The following NELL1 variants were observed in gnomAD, a reference collection of about 807,000 sequenced individuals.
NELL1 encodes neural EGFL like 1.
In NELL1, 76 loss-of-function variants were observed where a neutral mutation model predicts 107.4. The ratio of observed to expected loss-of-function variants is 0.71; its 90% confidence interval spans 0.59 to 0.86. The LOEUF (loss-of-function observed/expected upper bound fraction) is 0.86. Among genes scored for constraint, NELL1 ranks in the 40% least tolerant of loss-of-function variants. The pLI is 0.00. For missense variants in NELL1, 1,024 were observed against 1,005.5 expected, an observed-to-expected ratio of 1.02 and a Z score of -0.25; for synonymous variants, 353 against 341.2, an observed-to-expected ratio of 1.03 and a Z score of -0.38.
At chr11:21,226,398 T>C (rs1857893909) in intron 13 of NELL1, among the ~76,000 whole-genome samples, 1 of 152,220 alleles carries the variant, frequency 6.6e-6, no homozygotes, top group Non-Finnish European at 1.5e-5. Context: ...TAGTGACATG[T>C]TTGTTCATCT....
At chr11:20,999,202 G>A (rs1015583602) in intron 12 of NELL1, among the ~76,000 whole-genome samples, 19 of 152,176 alleles carry the variant, frequency 1.2e-4, no homozygotes, top group Admixed American at 9.8e-4. Context: ...AATTCTGTAC[G>A]TAAAAGAGAT....
intron 15 of NELL1, among the ~76,000 whole-genome samples, chr11:21,414,007 G>A (rs1852441932): frequency 6.6e-6 from 1 of 152,010 alleles, no homozygotes. Context: ...TGCATTTAAT[G>A]ACAGGCTGGT....
At chr11:21,498,484 A>G (rs1244003400) in intron 15 of NELL1, among the ~76,000 whole-genome samples, 1 of 150,826 alleles carries the variant, frequency 6.6e-6, no homozygotes, top group Admixed American at 6.6e-5. Flanking sequence ...ATACATACAT[A>G]GTTCTGATAA....
intron 12 of NELL1, among the ~76,000 whole-genome samples, chr11:21,065,260 T>G (rs898548544): frequency 2.6e-5 from 4 of 152,118 alleles, no homozygotes; most frequent in African/African-American, 9.7e-5. Flanking sequence ...ACTAGCTTCA[T>G]AAAGGCAGGA....
At chr11:21,088,062 TGTG>T (rs578119729) in intron 12 of NELL1, among the ~76,000 whole-genome samples, 40 of 63,030 alleles carry the variant, frequency 6.3e-4, no homozygotes, top group African/African-American at 3.6e-3. Flanking sequence ...AGTAGCTCTG[TGTG>T]TGTGTGTGTG....
At chr11:21,293,592 A>G (rs965818825) in intron 14 of NELL1, among the ~76,000 whole-genome samples, 3 of 152,180 alleles carry the variant, frequency 2.0e-5, no homozygotes, top group Non-Finnish European at 2.9e-5. Context: ...TATATACTTA[A>G]AGGTTTGTAA....
intron 13 of NELL1, among the ~76,000 whole-genome samples, chr11:21,172,233 C>T (rs1341141141): frequency 6.6e-6 from 1 of 151,896 alleles, no homozygotes; most frequent in African/African-American, 2.4e-5. Context: ...TCTTTAGATT[C>T]TAACTACTAG....
At chr11:21,462,433 A>G (rs1853921398) in intron 15 of NELL1, among the ~76,000 whole-genome samples, 1 of 152,110 alleles carries the variant, frequency 6.6e-6, no homozygotes, top group Non-Finnish European at 1.5e-5. Flanking sequence ...TGGTTAAAAT[A>G]GATTGTTTTC....
intron 7 of NELL1, among the ~76,000 whole-genome samples, chr11:20,924,227 C>T (rs1423692509): frequency 6.6e-6 from 1 of 152,138 alleles, no homozygotes; most frequent in Non-Finnish European, 1.5e-5. Flanking sequence ...TTGTTTGTCT[C>T]CTTTATTGCC....
intron 4 of NELL1, among the ~76,000 whole-genome samples, chr11:20,881,071 G>A (rs1163956491): frequency 6.6e-6 from 1 of 152,180 alleles, no homozygotes; most frequent in Non-Finnish European, 1.5e-5. Context: ...GTGGGTTCCA[G>A]GAGAGCTGAC....
At chr11:20,724,768 A>G (rs563386910) in intron 2 of NELL1, among the ~76,000 whole-genome samples, 5 of 152,116 alleles carry the variant, frequency 3.3e-5, no homozygotes, top group African/African-American at 1.2e-4. Flanking sequence ...TCCCTTCCAC[A>G]TTTTCAGTTT....
intron 14 of NELL1, among the ~76,000 whole-genome samples, chr11:21,263,603 A>G (rs1320988965): frequency 2.6e-5 from 4 of 151,926 alleles, no homozygotes; most frequent in Admixed American, 6.6e-5. Flanking sequence ...AGGCTGGTGG[A>G]GAGGCAGTCA....
At chr11:20,990,596 A>G (rs1421991849) in intron 12 of NELL1, among the ~76,000 whole-genome samples, 5 of 152,192 alleles carry the variant, frequency 3.3e-5, no homozygotes, top group African/African-American at 1.2e-4. Flanking sequence ...CAGCTGAGGA[A>G]TGGCATCTCA....
intron 16 of NELL1, among the ~76,000 whole-genome samples, chr11:21,546,288 A>T (rs542795757): frequency 6.8e-4 from 104 of 152,120 alleles, no homozygotes; most frequent in African/African-American, 2.5e-3. Context: ...ATTGAATTCC[A>T]TGTAGTTTCA....
intron 12 of NELL1, among the ~76,000 whole-genome samples, chr11:21,017,639 T>TC (rs1399066668): frequency 6.6e-6 from 1 of 152,096 alleles, no homozygotes; most frequent in Non-Finnish European, 1.5e-5. Context: ...ATTATATACT[T>TC]CTTAATATTT....
intron 11 of NELL1, among the ~76,000 whole-genome samples, chr11:20,955,303 T>C (rs1851148467): frequency 6.6e-6 from 1 of 152,214 alleles, no homozygotes; most frequent in Non-Finnish European, 1.5e-5. Flanking sequence ...TCATAAGTAG[T>C]GAGGCTGGAT....
chr11:20,852,837 G>C (rs1358782729), intron 4 of NELL1, among the ~76,000 whole-genome samples: 1 of 152,212 alleles, frequency 6.6e-6, no homozygotes, highest in African/African-American at 2.4e-5. Flanking sequence ...TCTAGGAAGA[G>C]ATGGGAAGCA....
At chr11:21,023,136 C>A (rs997600447) in intron 12 of NELL1, among the ~76,000 whole-genome samples, 7 of 152,064 alleles carry the variant, frequency 4.6e-5, no homozygotes, top group African/African-American at 1.7e-4. Flanking sequence ...CTATAAAGAC[C>A]CAAAGCCATA....
chr11:21,305,740 A>C (rs1383733392), intron 14 of NELL1, among the ~76,000 whole-genome samples: 1 of 151,968 alleles, frequency 6.6e-6, no homozygotes, highest in African/African-American at 2.4e-5. Flanking sequence ...TTCTATATAT[A>C]TATTACATTT....
Sources: allele counts gnomAD v4.1 joint callset (sites outside exome capture counted in the v4.1 genomes callset), GRCh38; gene constraint gnomAD v4.1.1; transcripts MANE v1.5; gene names NCBI Gene and HGNC (gene_info 2026-07-23, HGNC 2026-07-21).